Variants in TRIO observed in about 807,000 individuals in gnomAD.
The protein encoded by TRIO is triple functional domain protein.
Under a neutral mutation model 351.9 loss-of-function variants are expected in TRIO, and 58 were observed. The ratio of observed to expected loss-of-function variants is 0.16; its 90% confidence interval spans 0.13 to 0.21. The LOEUF is 0.21. TRIO is among the 10% of genes least tolerant of loss of function. TRIO has a pLI of 1.00. For synonymous variants in TRIO, 1,758 were observed against 1,595.7 expected (o/e 1.10, Z -2.42); for missense variants, 3,201 against 4,027.8 (o/e 0.79, Z 5.56).
At chr5:14,389,779 A>G (rs1746884601) in intron 25 of TRIO, among the ~76,000 whole-genome samples, 1 of 152,168 alleles carries the variant, frequency 6.6e-6, no homozygotes, top group Non-Finnish European at 1.5e-5. Flanking sequence ...AAGGAACTGA[A>G]GAAGCAACAG....
At chr5:14,256,130 T>A (rs116621750) in intron 1 of TRIO, among the ~76,000 whole-genome samples, 2,814 of 152,220 alleles carry the variant, frequency 0.018, 68 homozygotes, top group Non-Finnish European at 0.023. Context: ...GGATCTGCTT[T>A]TGGTGAGGGC....
At chr5:14,177,395 G>T (rs1244525723) in intron 1 of TRIO, among the ~76,000 whole-genome samples, 1 of 152,066 alleles carries the variant, frequency 6.6e-6, no homozygotes, top group Non-Finnish European at 1.5e-5. Flanking sequence ...TGCACTTCTG[G>T]CACTTGTGTG....
At position 14,425,884 on chromosome 5, in the gene TRIO, A is replaced by G. The variant is rs1160900707; in HGVS notation, c.5203+5863A>G. Among the ~76,000 whole-genome samples the G allele has an allele frequency of 2.6e-5, 4 of 152,208 alleles. No individual in the cohort carries two copies. In the East Asian group the frequency reaches 7.7e-4, roughly 29 times the overall value. On this transcript the variant is annotated intron_variant, in intron 34 of 56. Coordinates refer to ENST00000344204, the MANE Select transcript of TRIO (RefSeq NM_007118.4). Reference sequence around the variant, plus strand: ...CAGCCTCGAAAACTGTCAGCAATAAATTTCTGTGCTTTATAAGTTATCCAG... The same window carrying G: ...CAGCCTCGAAAACTGTCAGCAATAAGTTTCTGTGCTTTATAAGTTATCCAG...
At chr5:14,151,342 G>A (rs33024) in intron 1 of TRIO, among the ~76,000 whole-genome samples, 29,423 of 151,626 alleles carry the variant, frequency 0.19, 3,142 homozygotes, top group East Asian at 0.45. Flanking sequence ...ATTTTTAAAT[G>A]GGGTTTGTTG....
At chr5:14,445,377 A>G (rs1752364211) in intron 34 of TRIO, among the ~76,000 whole-genome samples, 1 of 152,190 alleles carries the variant, frequency 6.6e-6, no homozygotes, top group African/African-American at 2.4e-5. Context: ...CTAAGTGGAA[A>G]ACTCCCAGAC....
At chr5:14,465,483 T>C (rs1754183176) in intron 36 of TRIO, 62 bp from the exon 37 acceptor site, 3 of 1,525,148 alleles carry the variant, frequency 2.0e-6, no homozygotes, top group Admixed American at 1.7e-5. Flanking sequence ...GAATTTACTG[T>C]CTGACCAGTT....
intron 1 of TRIO, among the ~76,000 whole-genome samples, chr5:14,184,275 G>C (rs1424283896): frequency 6.6e-6 from 1 of 152,222 alleles, no homozygotes; most frequent in African/African-American, 2.4e-5. Context: ...ACTGTGCGCT[G>C]TTTGTGTATC....
intron 4 of TRIO, among the ~76,000 whole-genome samples, chr5:14,289,072 T>A (rs1411610990): frequency 2.0e-5 from 3 of 151,704 alleles, no homozygotes; most frequent in African/African-American, 7.3e-5. Flanking sequence ...CAAGAGCCTG[T>A]CTCTATATTT....
intron 1 of TRIO, among the ~76,000 whole-genome samples, chr5:14,175,307 G>T (rs1789339718): frequency 6.6e-6 from 1 of 152,154 alleles, no homozygotes; most frequent in African/African-American, 2.4e-5. Flanking sequence ...ATATACATGT[G>T]CAGGATTCAA....
At chr5:14,152,550 C>G (rs1219203532) in intron 1 of TRIO, among the ~76,000 whole-genome samples, 1 of 151,988 alleles carries the variant, frequency 6.6e-6, no homozygotes, top group Admixed American at 6.6e-5. Flanking sequence ...TTTTGTATTT[C>G]TAGTAGAGAC....
At chr5:14,300,282 T>C (rs192196656) in intron 7 of TRIO, among the ~76,000 whole-genome samples, 99 of 152,366 alleles carry the variant, frequency 6.5e-4, no homozygotes, top group Non-Finnish European at 1.1e-3. Context: ...AAATATCTTT[T>C]TACTGTGACC....
chr5:14,434,636 A>C (rs1751443906), intron 34 of TRIO, among the ~76,000 whole-genome samples: 1 of 152,264 alleles, frequency 6.6e-6, no homozygotes, highest in Non-Finnish European at 1.5e-5. Context: ...ATGAACCCGA[A>C]TGCAGTGCTC....
chr5:14,342,145 A>T, intron 11 of TRIO, among the ~76,000 whole-genome samples: 2 of 146,850 alleles, frequency 1.4e-5, no homozygotes, highest in African/African-American at 2.5e-5. Flanking sequence ...GGCTTCTTGC[A>T]CTGGGGCCGG....
chr5:14,209,068 A>G (rs1452485448), intron 1 of TRIO, among the ~76,000 whole-genome samples: 1 of 152,138 alleles, frequency 6.6e-6, no homozygotes, highest in African/African-American at 2.4e-5. Flanking sequence ...GCAGTTTGCC[A>G]TTTTCTGTTT....
chr5:14,251,775 TG>T (rs1444345041), intron 1 of TRIO, among the ~76,000 whole-genome samples: 5 of 151,922 alleles, frequency 3.3e-5, no homozygotes, highest in Admixed American at 3.3e-4. Flanking sequence ...AGGATGGGGG[TG>T]GCCTAAGTAA....
chr5:14,251,017 G>A (rs892313998), intron 1 of TRIO, among the ~76,000 whole-genome samples: 1 of 152,162 alleles, frequency 6.6e-6, no homozygotes, highest in Non-Finnish European at 1.5e-5. Context: ...GGAACCCTTT[G>A]AATTTGATCC....
At chr5:14,486,678 A>G (rs1335525070) in intron 47 of TRIO, among the ~76,000 whole-genome samples, 1 of 152,160 alleles carries the variant, frequency 6.6e-6, no homozygotes, top group East Asian at 1.9e-4. Context: ...CACTCAGTTG[A>G]GTAACTAGTA....
intron 11 of TRIO, 45 bp downstream of exon 11, chr5:14,336,772 C>A (rs373575136): frequency 1.9e-6 from 3 of 1,597,896 alleles, no homozygotes. Flanking sequence ...TTGAAAGGGT[C>A]TTTGAACTCT....
At chr5:14,500,763 G>T (rs928033758) in intron 53 of TRIO, among the ~76,000 whole-genome samples, 2 of 151,838 alleles carry the variant, frequency 1.3e-5, no homozygotes, top group African/African-American at 2.4e-5. Flanking sequence ...TGGTGTGCGC[G>T]TGTGGTCCCA....
Sources: gnomAD v4.1 joint callset for allele counts (sites outside exome capture counted in the v4.1 genomes callset) on GRCh38, gnomAD v4.1.1 for gene constraint, MANE v1.5 for transcripts, NCBI Gene and HGNC (gene_info 2026-07-23, HGNC 2026-07-21) for gene names.